ME3: variants seen among roughly 807,000 people sequenced by gnomAD.
ME3 encodes malic enzyme 3, also known as NADP-dependent malic enzyme, mitochondrial.
ME3 carries 48 observed loss-of-function variants against 68.9 expected under a neutral mutation model. The ratio of observed to expected loss-of-function variants is 0.70; its 90% CI spans 0.55 to 0.89. ME3 has a LOEUF of 0.89. Ranked by LOEUF, ME3 falls within the 40% of genes least tolerant of loss-of-function variation. The pLI is 0.00. For synonymous variants in ME3, 320 were observed against 318.8 expected (o/e 1.00, Z -0.04); for missense variants, 675 against 797.4 (o/e 0.85, Z 1.85).
intron 7 of ME3, among the ~76,000 whole-genome samples, chr11:86,475,946 G>T (rs1057501510): frequency 1.3e-5 from 2 of 151,742 alleles, no homozygotes; most frequent in Admixed American, 1.3e-4. Flanking sequence ...TATGCTGAGA[G>T]GGACTCAGAA....
intron 2 of ME3, among the ~76,000 whole-genome samples, chr11:86,649,510 G>A (rs1022614268): frequency 1.3e-5 from 2 of 152,216 alleles, no homozygotes; most frequent in Admixed American, 1.3e-4. Flanking sequence ...AATAGGAAGA[G>A]AGGAAGTCGG....
chr11:86,515,011 A>C (rs1158356502), intron 4 of ME3, among the ~76,000 whole-genome samples: 1 of 152,246 alleles, frequency 6.6e-6, no homozygotes, highest in Admixed American at 6.5e-5. Context: ...TTTAGTATGC[A>C]TGTTTGTCAG....
At chr11:86,461,262 C>T (rs1031337874) in intron 8 of ME3, among the ~76,000 whole-genome samples, 5 of 152,156 alleles carry the variant, frequency 3.3e-5, no homozygotes, top group Non-Finnish European at 5.9e-5. Context: ...CTTTAACCCC[C>T]TGGGCTTCAG....
At chr11:86,664,333 T>C (rs1015007195) in intron 2 of ME3, among the ~76,000 whole-genome samples, 2 of 152,236 alleles carry the variant, frequency 1.3e-5, no homozygotes, top group South Asian at 4.1e-4. Flanking sequence ...GAGTATACAG[T>C]CTACTTAGTA....
intron 2 of ME3, among the ~76,000 whole-genome samples, chr11:86,648,531 A>C (rs1945186935): frequency 6.6e-6 from 1 of 151,112 alleles, no homozygotes; most frequent in Admixed American, 6.6e-5. Flanking sequence ...AAAAAAAATC[A>C]ATGAATCCAG....
At chr11:86,514,752 A>G (rs1055243061) in intron 4 of ME3, among the ~76,000 whole-genome samples, 6 of 152,318 alleles carry the variant, frequency 3.9e-5, no homozygotes, top group South Asian at 2.1e-4. Flanking sequence ...ATTTGTTACA[A>G]TGATTAAATA....
chr11:86,663,816 G>A (rs1395588912), intron 2 of ME3, among the ~76,000 whole-genome samples: 1 of 152,184 alleles, frequency 6.6e-6, no homozygotes, highest in Non-Finnish European at 1.5e-5. Flanking sequence ...CTAGAGATGA[G>A]CCTGAAAAAG....
chr11:86,507,255 T>C (rs890267929), intron 5 of ME3, among the ~76,000 whole-genome samples: 9 of 152,348 alleles, frequency 5.9e-5, no homozygotes, highest in African/African-American at 1.7e-4. Flanking sequence ...CATGGTTCTC[T>C]CTTTGGCAGC....
At chr11:86,654,982 G>C (rs1474264873) in intron 2 of ME3, among the ~76,000 whole-genome samples, 3 of 152,174 alleles carry the variant, frequency 2.0e-5, no homozygotes, top group African/African-American at 7.2e-5. Context: ...AATCATGAGT[G>C]AACTCCCATT....
At chr11:86,633,378 A>G (rs1944135408) in intron 2 of ME3, among the ~76,000 whole-genome samples, 1 of 152,238 alleles carries the variant, frequency 6.6e-6, no homozygotes, top group African/African-American at 2.4e-5. Context: ...TGAGCACAAC[A>G]TGCTTACATA....
At chr11:86,595,548 C>A (rs987229721) in intron 2 of ME3, among the ~76,000 whole-genome samples, 2 of 152,098 alleles carry the variant, frequency 1.3e-5, no homozygotes, top group African/African-American at 4.8e-5. Flanking sequence ...ACAATCAGAT[C>A]GAGTAAGCGC....
chr11:86,457,616 T>G (rs939043941), intron 8 of ME3: 26 of 1,251,594 alleles, frequency 2.1e-5, no homozygotes, highest in Non-Finnish European at 2.7e-5. Context: ...TCTTGGGCTA[T>G]GCACTAGGGG....
At chr11:86,478,872 G>T (rs661163) in intron 7 of ME3, among the ~76,000 whole-genome samples, 53,114 of 151,872 alleles carry the variant, frequency 0.35, 9,460 homozygotes, top group African/African-American at 0.38. Flanking sequence ...GATGACTGTA[G>T]CCCCTTCCAC....
chr11:86,506,182 T>C (rs1043980564), intron 5 of ME3, among the ~76,000 whole-genome samples: 11 of 152,170 alleles, frequency 7.2e-5, no homozygotes, highest in Non-Finnish European at 1.3e-4. Flanking sequence ...AGGCTCTGGA[T>C]GTCTCTCTTA....
intron 2 of ME3, among the ~76,000 whole-genome samples, chr11:86,603,394 A>G (rs1961056230): frequency 6.6e-6 from 1 of 152,226 alleles, no homozygotes; most frequent in Non-Finnish European, 1.5e-5. Flanking sequence ...CAAAACCACA[A>G]TGAGATACCA....
chr11:86,613,938 T>A (rs1942775503), intron 2 of ME3, among the ~76,000 whole-genome samples: 1 of 152,178 alleles, frequency 6.6e-6, no homozygotes, highest in Non-Finnish European at 1.5e-5. Context: ...AAACTACCAT[T>A]GATATTCTTC....
exon 12 of ME3, chr11:86,447,171 A>G: frequency 6.2e-7 from 1 of 1,614,144 alleles, no homozygotes; most frequent in Non-Finnish European, 8.5e-7. Context: ...GTCCCTCAGA[A>G]TCTGCTCCGT....
At chr11:86,575,744 CCCCGAAGACAGG>C (rs1469966244) in intron 2 of ME3, among the ~76,000 whole-genome samples, 13 of 152,222 alleles carry the variant, frequency 8.5e-5, no homozygotes, top group African/African-American at 3.1e-4. Flanking sequence ...AGTCTGTTCT[CCCCGAAGACAGG>C]GCCATGACTT....
intron 4 of ME3, among the ~76,000 whole-genome samples, chr11:86,538,653 C>A (rs1331254927): frequency 6.6e-6 from 1 of 152,174 alleles, no homozygotes; most frequent in Non-Finnish European, 1.5e-5. Flanking sequence ...AGGAACTCAT[C>A]AGGCTCTTCC....
Sources: allele counts gnomAD v4.1 joint callset (sites outside exome capture counted in the v4.1 genomes callset), GRCh38; gene constraint gnomAD v4.1.1; transcripts MANE v1.5; gene names NCBI Gene and HGNC (gene_info 2026-07-23, HGNC 2026-07-21).